KCNH5: variants seen among roughly 807,000 people sequenced by gnomAD.
KCNH5 encodes the protein voltage-gated delayed rectifier potassium channel KCNH5.
Under a neutral mutation model 96.1 loss-of-function variants are expected in KCNH5, and 46 were observed. The observed-to-expected ratio is 0.48, with a 90% confidence interval of 0.38 to 0.61. The LOEUF is 0.61. Ranked by LOEUF, KCNH5 falls within the 20% of genes least tolerant of loss-of-function variation. KCNH5 has a pLI of 0.00. For synonymous variants in KCNH5, 439 were observed against 449.8 expected, an observed-to-expected ratio of 0.98 and a Z score of 0.30; for missense variants, 907 against 1,225.8, an observed-to-expected ratio of 0.74 and a Z score of 3.88.
chr14:62,907,701 T>C (rs765401751), intron 7 of KCNH5, among the ~76,000 whole-genome samples: 1 of 152,168 alleles, frequency 6.6e-6, no homozygotes, highest in Non-Finnish European at 1.5e-5. Context: ...ACCTAGTCAT[T>C]CCGTTTTGTC....
In KCNH5 at chr14:62,880,743, C is replaced by T. The variant is rs189206812; in HGVS notation, c.1370-30891G>A. On this transcript the variant is annotated intron_variant, in intron 7 of 10. Transcript: ENST00000322893. ...ATCATGATTAGTGGCAAATTAATCA[C>T]CATGCTCAATATTTACTGTTTTCTC... is the stretch of plus-strand genomic sequence containing the variant. 3.9e-5 allele frequency among the ~76,000 whole-genome samples: 6 copies of T among 152,260 alleles called. No individual in the cohort carries two copies. The East Asian group carries it at 7.7e-4, about 20-fold the overall frequency.
At chr14:62,808,203 T>G (rs565782794) in intron 8 of KCNH5, among the ~76,000 whole-genome samples, 3 of 152,296 alleles carry the variant, frequency 2.0e-5, no homozygotes, top group East Asian at 3.9e-4. Context: ...TGGTAAAAGA[T>G]TCTAAGAAGG....
In KCNH5 at chr14:62,779,915, T is replaced by A. The variant is rs1886174113; in HGVS notation, c.1832A>T (p.Asp611Val). ...CTTCCAGAAGATGTCTCCAAATACATCACCCTTCCCTAGAAAACAGTATAA... is the reference window on the plus strand; with the variant it reads ...CTTCCAGAAGATGTCTCCAAATACAACACCCTTCCCTAGAAAACAGTATAA... ...DEVVAILGKG[D>V]VFGDIFWKET... Residue 611 changes from aspartate to valine, a missense_variant, in exon 10 of 11, where the codon GAT (aspartate) becomes GTT (valine). By Grantham distance (152) the Asp-to-Val change is radical. This residue lies in a region of KCNH5 where 57 missense variants were observed against 76.0 expected (regional missense o/e 0.75). Coordinates refer to ENST00000322893, the MANE Select transcript of KCNH5 (RefSeq NM_139318.5). The A allele has an allele frequency of 1.2e-6, 2 of 1,612,040 alleles. No individual in the cohort carries two copies. The highest frequency in any genetic ancestry group is 1.3e-5 in the African/African-American group (1 of 74,836).
intron 1 of KCNH5, among the ~76,000 whole-genome samples, chr14:63,032,174 T>C (rs1276350294): frequency 6.6e-6 from 1 of 151,458 alleles, no homozygotes; most frequent in Non-Finnish European, 1.5e-5. Flanking sequence ...GAAAGTCAGC[T>C]GCGTTTTCCC....
chr14:62,829,642 G>A (rs186177891), intron 8 of KCNH5, among the ~76,000 whole-genome samples: 2 of 152,236 alleles, frequency 1.3e-5, no homozygotes, highest in African/African-American at 4.8e-5. Context: ...CAGAGCAGCA[G>A]AGCTCTGGGC....
chr14:62,865,175 A>T (rs1282958461), intron 7 of KCNH5, among the ~76,000 whole-genome samples: 3 of 152,162 alleles, frequency 2.0e-5, no homozygotes, highest in Non-Finnish European at 4.4e-5. Flanking sequence ...AGGACAGTCT[A>T]CGTGAGTTGG....
Position 62,705,573 on chromosome 14 carries a change from T to C in KCNH5, c.*1935A>G, listed in dbSNP as rs1481402815. The C allele has an allele frequency of 6.6e-6, 1 of 152,026 alleles. No homozygotes were observed. Among genetic ancestry groups the C allele is most frequent in the East Asian group, 1.9e-4 (1 of 5,202 alleles). The allele number at this position is 152,026 out of a possible 1,614,324, so 9.4% of individuals were successfully genotyped here. The stretch of plus-strand genomic sequence containing the variant: ...AGACGTGTTCCCCTGAAAACTTCCA[T>C]TATGGTTAATGGAAGTTATACGCAT... On this transcript the variant is annotated 3_prime_UTR_variant, in exon 11 of 11. Transcript: ENST00000322893.
intron 10 of KCNH5, among the ~76,000 whole-genome samples, chr14:62,761,623 C>G (rs1885752942): frequency 6.6e-6 from 1 of 152,100 alleles, no homozygotes; most frequent in South Asian, 2.1e-4. Context: ...GCTAAAAATA[C>G]ATTGTAATAC....
chr14:62,799,694 TA>T (rs1886612594), intron 9 of KCNH5, among the ~76,000 whole-genome samples: 1 of 42,034 alleles, frequency 2.4e-5, no homozygotes, highest in African/African-American at 1.1e-4. Context: ...TATACCTTTA[TA>T]TATATATATA....
At chr14:62,805,258 G>C (rs1294143897) in intron 8 of KCNH5, among the ~76,000 whole-genome samples, 2 of 152,082 alleles carry the variant, frequency 1.3e-5, no homozygotes, top group Non-Finnish European at 2.9e-5. Flanking sequence ...AAATGAAATA[G>C]TCCAGTATTT....
intron 9 of KCNH5, among the ~76,000 whole-genome samples, chr14:62,801,173 G>A (rs1348599099): frequency 6.6e-6 from 1 of 151,832 alleles, no homozygotes; most frequent in African/African-American, 2.4e-5. Flanking sequence ...ATATTGTGGT[G>A]GATTTTGCTT....
intron 1 of KCNH5, among the ~76,000 whole-genome samples, chr14:63,027,332 AT>A (rs1161219461): frequency 1.3e-5 from 2 of 151,976 alleles, no homozygotes; most frequent in African/African-American, 4.8e-5. Flanking sequence ...TCCAAGGGAG[AT>A]TTTAAGTGTT....
chr14:62,851,640 T>A (rs2140047464), intron 7 of KCNH5, among the ~76,000 whole-genome samples: 1 of 152,186 alleles, frequency 6.6e-6, no homozygotes, highest in South Asian at 2.1e-4. Flanking sequence ...ATTTTACATT[T>A]TCAGAAAAGA....
intron 10 of KCNH5, among the ~76,000 whole-genome samples, chr14:62,708,942 A>G (rs1440468746): frequency 6.6e-6 from 1 of 152,304 alleles, no homozygotes; most frequent in East Asian, 1.9e-4. Flanking sequence ...TTTCAAAACC[A>G]TTTTTAATAT....
chr14:62,950,738 A>T (rs1889988826), intron 6 of KCNH5, among the ~76,000 whole-genome samples, 179 bp from the exon 7 acceptor site: 1 of 152,154 alleles, frequency 6.6e-6, no homozygotes, highest in South Asian at 2.1e-4. Flanking sequence ...CTTTAAAAAA[A>T]TAGATATCTT....
intron 7 of KCNH5, among the ~76,000 whole-genome samples, chr14:62,880,489 C>G (rs1445738711): frequency 6.6e-6 from 1 of 152,138 alleles, no homozygotes; most frequent in Non-Finnish European, 1.5e-5. Context: ...ATGAGAAATT[C>G]TTTGATGTCA....
chr14:63,020,529 A>G (rs1891406070), intron 1 of KCNH5, among the ~76,000 whole-genome samples: 1 of 152,158 alleles, frequency 6.6e-6, no homozygotes. Flanking sequence ...AACATTATAA[A>G]ACAGCCACTA....
At chr14:62,728,687 C>T (rs1595596691) in intron 10 of KCNH5, among the ~76,000 whole-genome samples, 1 of 152,128 alleles carries the variant, frequency 6.6e-6, no homozygotes, top group African/African-American at 2.4e-5. Context: ...AGTTATTTAA[C>T]CTTTTTGTGC....
At chr14:62,849,419 C>T (rs1202213686) in intron 8 of KCNH5, among the ~76,000 whole-genome samples, 1 of 152,078 alleles carries the variant, frequency 6.6e-6, no homozygotes, top group Non-Finnish European at 1.5e-5. Context: ...GTTATTTTCA[C>T]GAACTGAATT....
Sources: gnomAD v4.1 joint callset for allele counts (sites outside exome capture counted in the v4.1 genomes callset) on GRCh38, gnomAD v4.1.1 for gene constraint, gnomAD v4.1.1 regional missense constraint, MANE v1.5 for transcripts, NCBI Gene and HGNC (gene_info 2026-07-23, HGNC 2026-07-21) for gene names.